STPG2: variants seen among roughly 807,000 people sequenced by gnomAD.
The protein encoded by STPG2 is sperm tail PG-rich repeat containing 2.
A neutral mutation model predicts 54.2 loss-of-function variants in STPG2; 56 were observed. The observed-to-expected ratio is 1.03, with a 90% CI of 0.83 to 1.29. STPG2 has a LOEUF of 1.29. STPG2 is among the 50% of genes most tolerant of loss of function. The pLI is 0.00. For missense variants in STPG2, 596 were observed against 544.9 expected (o/e 1.09, Z -0.93); for synonymous variants, 200 against 181.8 (o/e 1.10, Z -0.81).
At chr4:97,588,134 T>C (rs1247229750) in intron 10 of STPG2, among the ~76,000 whole-genome samples, 2 of 151,870 alleles carry the variant, frequency 1.3e-5, no homozygotes, top group Non-Finnish European at 2.9e-5. Context: ...TCCCAGCACT[T>C]TGGGATGCCA....
intron 5 of STPG2, among the ~76,000 whole-genome samples, chr4:98,067,955 A>T (rs28427190): frequency 6.6e-6 from 1 of 151,864 alleles, no homozygotes; most frequent in Non-Finnish European, 1.5e-5. Context: ...AAGCAGGGTT[A>T]TTTTTTTTAC....
chr4:97,567,230 T>C (rs1732477474), intron 10 of STPG2, among the ~76,000 whole-genome samples: 1 of 150,874 alleles, frequency 6.6e-6, no homozygotes, highest in African/African-American at 2.4e-5. Flanking sequence ...ACACACCCTT[T>C]AAATTACATA....
chr4:97,578,204 A>G (rs1732772079), intron 10 of STPG2, among the ~76,000 whole-genome samples: 1 of 151,238 alleles, frequency 6.6e-6, no homozygotes, highest in East Asian at 2.0e-4. Context: ...TCCCAGGCTC[A>G]AGCGATTGTC....
intron 9 of STPG2, among the ~76,000 whole-genome samples, chr4:97,737,875 T>G (rs1327699616): frequency 1.3e-5 from 2 of 151,946 alleles, no homozygotes; most frequent in East Asian, 1.9e-4. Context: ...ACAAAGATAC[T>G]CCTTGCAAAG....
intron 9 of STPG2, among the ~76,000 whole-genome samples, chr4:97,832,510 G>A (rs2149113536): frequency 6.6e-6 from 1 of 152,226 alleles, no homozygotes. Context: ...TGGAAGTTCT[G>A]GCCAGGGCAA....
intron 8 of STPG2, among the ~76,000 whole-genome samples, chr4:97,845,626 AT>A (rs1380468045): frequency 2.0e-5 from 3 of 152,190 alleles, no homozygotes; most frequent in Non-Finnish European, 2.9e-5. Context: ...GTTTTAACAT[AT>A]TTTATCTGGA....
At chr4:97,861,462 C>A (rs975920510) in intron 8 of STPG2, among the ~76,000 whole-genome samples, 3 of 152,048 alleles carry the variant, frequency 2.0e-5, no homozygotes, top group Admixed American at 6.6e-5. Context: ...AAAAATAGAG[C>A]TACCACATGA....
rs763961371 is a variant in STPG2 at position 97,943,900 on chromosome 4, A to G, written c.1041T>C (p.Asp347=). Residue 347 remains aspartate, a synonymous_variant, in exon 8 of 11, where the codon GAT becomes GAC. Coordinates refer to ENST00000295268, the MANE Select transcript of STPG2 (RefSeq NM_174952.3). The part of the protein sequence containing the change: ...SRAKRTMKVP[D]MVIPAPGSYD... ...TTGATTGTAGGAGTATTCTTACCAT[A>G]TCTGGTACTTTCATAGTTCTTTTGG... The G allele has an allele frequency of 8.9e-6, 14 of 1,565,056 alleles. No homozygotes were observed. Among genetic ancestry groups the G allele is most frequent in the African/African-American group, 1.4e-5 (1 of 71,876 alleles).
chr4:97,959,711 C>T (rs1249729342), intron 7 of STPG2, among the ~76,000 whole-genome samples: 2 of 151,048 alleles, frequency 1.3e-5, no homozygotes, highest in African/African-American at 4.9e-5. Context: ...TAAAAACTTA[C>T]CAAGAAAAAA....
At chr4:97,554,998 A>C (rs1489878023), downstream of STPG2, among the ~76,000 whole-genome samples, 1 of 152,180 alleles carries the variant, frequency 6.6e-6, no homozygotes, top group Non-Finnish European at 1.5e-5. Flanking sequence ...CCCTTTTACA[A>C]GTAAAATTTA....
At position 97,507,792 on chromosome 4, in the gene STPG2, C is replaced by G. The variant is rs145369716; in HGVS notation, c.462+204907G>C. The stretch of plus-strand genomic sequence containing the variant: ...GTCTAGGAAAGTCCTGAATGCAGAA[C>G]TTCCATGCCTTCCCCACAAAGAGTC... On this transcript the variant is annotated intron_variant, in intron 4 of 4. Coordinates refer to the STPG2 transcript ENST00000522676. Among the ~76,000 whole-genome samples, 291 of 152,148 alleles carry G rather than the reference C, an allele frequency of 1.9e-3. 1 individual carries two copies. The highest frequency in any genetic ancestry group is 6.5e-3 in the African/African-American group (269 of 41,538).
chr4:97,831,619 C>G (rs1728466458), intron 9 of STPG2, among the ~76,000 whole-genome samples: 1 of 151,830 alleles, frequency 6.6e-6, no homozygotes, highest in South Asian at 2.1e-4. Flanking sequence ...AAATAGACCA[C>G]TAACCAGACT....
At chr4:97,534,186 ATTGT>A (rs771799869) in intron 4 of STPG2, among the ~76,000 whole-genome samples, 11 of 152,116 alleles carry the variant, frequency 7.2e-5, no homozygotes, top group African/African-American at 9.6e-5. Flanking sequence ...CATATTTCAT[ATTGT>A]TTATGTTCAT....
intron 4 of STPG2, among the ~76,000 whole-genome samples, chr4:97,447,585 G>A (rs1489554751): frequency 1.3e-5 from 2 of 152,188 alleles, no homozygotes; most frequent in Non-Finnish European, 2.9e-5. Context: ...AACGGGCAAG[G>A]TATGGTTCAA....
intron 5 of STPG2, among the ~76,000 whole-genome samples, chr4:98,079,418 G>A (rs1170054063): frequency 6.6e-6 from 1 of 152,122 alleles, no homozygotes; most frequent in Non-Finnish European, 1.5e-5. Flanking sequence ...CTGGCTGCAG[G>A]GTGTTAATGA....
At chr4:98,010,569 T>A (rs1044549993) in intron 5 of STPG2, among the ~76,000 whole-genome samples, 7 of 152,132 alleles carry the variant, frequency 4.6e-5, no homozygotes, top group African/African-American at 1.7e-4. Context: ...GGTTTGTGGT[T>A]TTTTGTTTCA....
chr4:97,577,783 C>A (rs1268324870), intron 10 of STPG2, among the ~76,000 whole-genome samples: 3 of 152,012 alleles, frequency 2.0e-5, no homozygotes, highest in Non-Finnish European at 4.4e-5. Context: ...CATCTATTAA[C>A]CAGGACAGAT....
chr4:97,934,716 A>G (rs182614329), intron 8 of STPG2, among the ~76,000 whole-genome samples: 20 of 152,274 alleles, frequency 1.3e-4, no homozygotes, highest in African/African-American at 4.6e-4. Context: ...AGCCGACATG[A>G]CCGTTGTGGA....
chr4:97,615,864 G>A (rs1463030368), intron 10 of STPG2, among the ~76,000 whole-genome samples: 1 of 149,718 alleles, frequency 6.7e-6, no homozygotes, highest in Non-Finnish European at 1.5e-5. Context: ...GGCGAAACCC[G>A]ATCTCTACTG....
Sources: allele counts gnomAD v4.1 joint callset (sites outside exome capture counted in the v4.1 genomes callset), GRCh38; gene constraint gnomAD v4.1.1; transcripts MANE v1.5; gene names NCBI Gene and HGNC (gene_info 2026-07-23, HGNC 2026-07-21).